EPG5: variants seen among roughly 807,000 people sequenced by gnomAD.
The protein encoded by EPG5 is ectopic P granules protein 5 homolog.
A neutral mutation model predicts 302.7 loss-of-function variants in EPG5; 159 were observed. The ratio of observed to expected loss-of-function variants is 0.53; its 90% CI spans 0.46 to 0.60. The LOEUF (loss-of-function observed/expected upper bound fraction) is 0.60, where lower values mean the gene tolerates loss of function less well. Among genes scored for constraint, EPG5 ranks in the 20% least tolerant of loss-of-function variants. The pLI is 0.00. For missense variants in EPG5, 2,896 were observed against 3,092.4 expected (o/e 0.94, Z 1.51); for synonymous variants, 1,158 against 1,136.8 (o/e 1.02, Z -0.37).
At chr18:45,838,774 G>A in the EPG5 span, 1 of 1,572,796 alleles carries the variant, frequency 6.4e-7, no homozygotes, top group Non-Finnish European at 8.6e-7. Context: ...CGCCTTCCGC[G>A]CGCTCTGCAC....
chr18:45,821,246 C>CT, the EPG5 span, among the ~76,000 whole-genome samples: 1 of 152,170 alleles, frequency 6.6e-6, no homozygotes, highest in Non-Finnish European at 1.5e-5. Context: ...CCTGTGCTCT[C>CT]TGAAGCACTG....
In EPG5 at chr18:45,889,909, C is replaced by T. The variant is rs776889343; in HGVS notation, c.4841G>A (p.Ser1614Asn). Residue 1614 changes from serine (S) to asparagine (N), a missense_variant, in exon 28 of 44, where the codon AGC (serine) becomes AAC (asparagine). Physicochemically the swap from Ser to Asn is conservative, Grantham distance 46 (BLOSUM62 1). This residue lies in a region of EPG5 where 790 missense variants were observed against 798.0 expected (regional missense o/e 0.99). Coordinates refer to ENST00000282041, the MANE Select transcript of EPG5 (RefSeq NM_020964.3). ...FEGMHKNEAISQQLHVLRKEV... is the reference protein window; with the variant it reads ...FEGMHKNEAINQQLHVLRKEV... ...CTTCCGTAAAACATGAAGCTGTTGG[C>T]TTATGGCTTCATTCTTATGCATGCC... The T allele has an allele frequency of 5.0e-6, 8 of 1,604,416 alleles. No homozygotes were observed. Among genetic ancestry groups the T allele is most frequent in the Non-Finnish European group, 6.8e-6 (8 of 1,174,410 alleles).
chr18:45,911,078 TAC>T (rs34212851), intron 22 of EPG5, among the ~76,000 whole-genome samples: 60,245 of 133,592 alleles, frequency 0.45, 15,140 homozygotes, highest in East Asian at 0.78. Flanking sequence ...TATCTATCTA[TAC>T]ACACACACAC....
chr18:45,865,629 A>C lies in EPG5; in HGVS notation c.6752T>G (p.Val2251Gly). ...TGGTCACTTACCGGGCGGGTTAAAG[A>C]CAATGATATCGTCTAAGAGCTTAGA... is the stretch of plus-strand genomic sequence containing the variant. ...EMSKLLDDII[V>G]FNPPDMDSQT... Residue 2251 changes from valine to glycine, a missense_variant, in exon 39 of 44, where the codon GTC becomes GGC. Around this residue, in one of 5 missense-constraint regions of EPG5, gnomAD observed 620 missense variants for 704.2 expected, o/e 0.88. Transcript: ENST00000282041. 1.9e-6 allele frequency: 3 copies of C among 1,614,116 alleles called. No homozygotes were observed. Among genetic ancestry groups the C allele is most frequent in the South Asian group, 1.1e-5 (1 of 91,060 alleles).
downstream of EPG5, among the ~76,000 whole-genome samples, chr18:45,846,135 C>T (rs1380935844): frequency 6.6e-6 from 1 of 152,150 alleles, no homozygotes; most frequent in Non-Finnish European, 1.5e-5. Flanking sequence ...CGGGTTTTGT[C>T]CCGGCTCCAG....
chr18:45,804,894 A>G, the EPG5 span, among the ~76,000 whole-genome samples: 1 of 152,176 alleles, frequency 6.6e-6, no homozygotes, highest in Non-Finnish European at 1.5e-5. Flanking sequence ...TGTAGGATGC[A>G]TAATGTATAT....
chr18:45,896,542 C>T (rs1266142933), intron 27 of EPG5, among the ~76,000 whole-genome samples: 1 of 151,888 alleles, frequency 6.6e-6, no homozygotes. Context: ...TAGCAATTAC[C>T]AATTTTTCTT....
At chr18:45,864,153 G>C (rs936991579) in intron 39 of EPG5, among the ~76,000 whole-genome samples, 37 of 151,956 alleles carry the variant, frequency 2.4e-4, no homozygotes, top group African/African-American at 8.7e-4. Flanking sequence ...GCCCAGACTG[G>C]AGTGCAGTGG....
At chr18:45,901,199 A>G (rs776550402) in intron 25 of EPG5, 32 bp from the exon 26 acceptor site, 1 of 1,580,484 alleles carries the variant, frequency 6.3e-7, no homozygotes, top group Non-Finnish European at 8.7e-7. Context: ...TATACTGAGC[A>G]ATCAGGTGAA....
downstream of EPG5, among the ~76,000 whole-genome samples, chr18:45,844,427 G>A (rs956231845): frequency 2.0e-5 from 3 of 152,194 alleles, no homozygotes; most frequent in East Asian, 3.9e-4. Context: ...TGTTCTTAAC[G>A]GTAAGTACTT....
At chr18:45,805,597 T>C in the EPG5 span, among the ~76,000 whole-genome samples, 1 of 152,046 alleles carries the variant, frequency 6.6e-6, no homozygotes, top group Non-Finnish European at 1.5e-5. Context: ...TTGTAATGGC[T>C]TAAAAACAAA....
chr18:45,812,531 A>G, the EPG5 span, among the ~76,000 whole-genome samples: 4 of 152,198 alleles, frequency 2.6e-5, no homozygotes, highest in Admixed American at 2.0e-4. Flanking sequence ...CTACAAGGCT[A>G]CAGTAACCAA....
chr18:45,897,475 TTGGCAAAC>T (rs1345213690), intron 27 of EPG5, among the ~76,000 whole-genome samples: 1 of 152,194 alleles, frequency 6.6e-6, no homozygotes, highest in Non-Finnish European at 1.5e-5. Context: ...CCACCCAAAA[TTGGCAAAC>T]TTTTCTCCCA....
At chr18:45,923,754 C>A (rs772820275) in intron 14 of EPG5, among the ~76,000 whole-genome samples, 14 of 152,162 alleles carry the variant, frequency 9.2e-5, no homozygotes, top group Non-Finnish European at 1.6e-4. Context: ...ACTGTCTAGG[C>A]GTGGTGGTTC....
At chr18:45,953,005 C>G (rs1378718460) in intron 2 of EPG5, among the ~76,000 whole-genome samples, 2 of 152,024 alleles carry the variant, frequency 1.3e-5, no homozygotes, top group Non-Finnish European at 2.9e-5. Context: ...AATGCTGTCT[C>G]TAACTAAAAA....
intron 23 of EPG5, among the ~76,000 whole-genome samples, chr18:45,909,715 C>T (rs984138403): frequency 6.6e-6 from 1 of 152,178 alleles, no homozygotes; most frequent in African/African-American, 2.4e-5. Context: ...TACTAGACCC[C>T]TCATCTCAGG....
At position 45,847,841 on chromosome 18, in the gene EPG5, C is replaced by A. The variant is rs1160044908; in HGVS notation, c.*4626G>T. The A allele has an allele frequency of 1.3e-5, 2 of 152,152 alleles. No individual in the cohort carries two copies. The highest frequency in any genetic ancestry group is 2.9e-5 in the Non-Finnish European group (2 of 67,988). 9.4% of individuals were successfully genotyped at this position (152,152 alleles called of 1,614,324 possible). A position where few individuals can be genotyped will look rare whatever the true frequency, so the allele number is the denominator to read the frequency against. The stretch of plus-strand genomic sequence containing the variant: ...GTTGAACACACTTAAGTATGTGTCT[C>A]CACATAAGTGATTTTAAACTATTGA... On this transcript the variant is annotated 3_prime_UTR_variant, in exon 44 of 44. Transcript: ENST00000282041.
At chr18:45,857,231 T>G (rs1384142492) in intron 42 of EPG5, among the ~76,000 whole-genome samples, 1 of 152,162 alleles carries the variant, frequency 6.6e-6, no homozygotes, top group Non-Finnish European at 1.5e-5. Context: ...CACCTCAGCC[T>G]CCAGAGTAGC....
chr18:45,820,046 C>A, the EPG5 span, among the ~76,000 whole-genome samples: 1 of 152,152 alleles, frequency 6.6e-6, no homozygotes, highest in South Asian at 2.1e-4. Context: ...CCCAGTTTCA[C>A]CCCCATCTGG....
Sources: gnomAD v4.1 joint callset for allele counts (sites outside exome capture counted in the v4.1 genomes callset) on GRCh38, gnomAD v4.1.1 for gene constraint, gnomAD v4.1.1 regional missense constraint, MANE v1.5 for transcripts, NCBI Gene and HGNC (gene_info 2026-07-23, HGNC 2026-07-21) for gene names.